The following CIT variants were observed in gnomAD, a reference collection of about 807,000 sequenced individuals.
The protein encoded by CIT is citron Rho-interacting kinase.
In CIT, 79 loss-of-function variants were observed where a neutral mutation model predicts 272.7. The ratio of observed to expected loss-of-function variants is 0.29; its 90% confidence interval spans 0.24 to 0.35. CIT has a LOEUF of 0.35. CIT is among the 10% of genes least tolerant of loss of function. The pLI, the probability that CIT is intolerant of heterozygous loss-of-function variation, is 1.00. For synonymous variants in CIT, 948 were observed against 995.6 expected, an observed-to-expected ratio of 0.95 and a Z score of 0.90; for missense variants, 1,909 against 2,618.3, an observed-to-expected ratio of 0.73 and a Z score of 5.91.
Position 119,773,307 on chromosome 12 carries a change from T to A in CIT, c.1942-397A>T, listed in dbSNP as rs1963386122. Among the ~76,000 whole-genome samples, 4 of 152,342 alleles carry A rather than the reference T, an allele frequency of 2.6e-5. No homozygotes were observed. The South Asian group carries it at 6.2e-4, about 24-fold the overall frequency. ...ATCTAAATGGATTGATCTACCCAGG[T>A]ATCAATGTATTTGCCTCTAAGCATT... is the stretch of plus-strand genomic sequence containing the variant. On this transcript the variant is annotated intron_variant, in intron 16 of 47. Coordinates refer to ENST00000392521, the MANE Select transcript of CIT (RefSeq NM_001206999.2).
At chr12:119,703,421 C>CTTTT (rs34483318) in intron 41 of CIT, among the ~76,000 whole-genome samples, 2 of 105,712 alleles carry the variant, frequency 1.9e-5, no homozygotes, top group African/African-American at 7.9e-5. Flanking sequence ...CTTCATTTCA[C>CTTTT]TTTTTTTTTT....
chr12:119,747,879 G>C (rs1001221113), intron 23 of CIT, among the ~76,000 whole-genome samples: 8 of 152,030 alleles, frequency 5.3e-5, no homozygotes, highest in African/African-American at 1.9e-4. Flanking sequence ...AAAACAGTCT[G>C]ACAGGCAGGC....
At chr12:119,699,295 A>G (rs908494056) in intron 44 of CIT, among the ~76,000 whole-genome samples, 6 of 152,200 alleles carry the variant, frequency 3.9e-5, no homozygotes, top group Admixed American at 3.3e-4. Flanking sequence ...TCTATTTTAA[A>G]AAAAAGACTG....
chr12:119,757,238 T>G (rs1961111608), intron 22 of CIT, 133 bp downstream of exon 22: 1 of 1,156,110 alleles, frequency 8.6e-7, no homozygotes. Flanking sequence ...CCTTTTCTCC[T>G]GCCTCAAGTC....
chr12:119,875,692 T>A (rs1952218407), intron 2 of CIT, among the ~76,000 whole-genome samples: 1 of 152,030 alleles, frequency 6.6e-6, no homozygotes, highest in Non-Finnish European at 1.5e-5. Flanking sequence ...CCTGGTCCTA[T>A]AATAAAAGCA....
rs546105689 is a variant in CIT, at chr12:119,770,261, A to C, written c.2208+524T>G. 6.6e-6 allele frequency among the ~76,000 whole-genome samples: 1 copy of C among 152,124 alleles called. No homozygotes were observed. The highest frequency in any genetic ancestry group is 2.1e-4 in the South Asian group (1 of 4,824). On this transcript the variant is annotated intron_variant, in intron 18 of 47. Transcript: ENST00000392521. The surrounding 1 kb of genome is among the most constrained non-coding windows in gnomAD (Gnocchi z 4.4). Reference sequence around the variant, plus strand: ...CCTGCTATATCTAAGGAAATTGAAAAAATAATAATAATAATAACCAACTGT... The same window carrying C: ...CCTGCTATATCTAAGGAAATTGAAACAATAATAATAATAATAACCAACTGT...
rs570077220 is a variant in CIT, at chr12:119,713,735, C to G, written c.4307-87G>C. 2.8e-6 allele frequency: 4 copies of G among 1,421,528 alleles called. No individual in the cohort carries two copies. Among genetic ancestry groups the G allele is most frequent in the Non-Finnish European group, 4.0e-6 (4 of 1,009,922 alleles). The allele number at this position is 1,421,528 out of a possible 1,614,324, so 88.1% of individuals were successfully genotyped here. ...TCTGCCAGCCAACGCCTGGGCTTCT[C>G]TACCCCAGCCGGGCCCAGAGAGTCT... is the stretch of plus-strand genomic sequence containing the variant. On this transcript the variant is annotated intron_variant, in intron 33 of 47. Coordinates refer to ENST00000392521, the MANE Select transcript of CIT (RefSeq NM_001206999.2). The surrounding 1 kb of genome is among the most constrained non-coding windows in gnomAD (Gnocchi z 5.2).
At chr12:119,794,554 A>C (rs978975038) in intron 10 of CIT, among the ~76,000 whole-genome samples, 3 of 152,212 alleles carry the variant, frequency 2.0e-5, no homozygotes, top group African/African-American at 7.2e-5. Flanking sequence ...TAGGCTGGGA[A>C]CATGCACACT....
chr12:119,835,683 A>G (rs1968944259), intron 5 of CIT, among the ~76,000 whole-genome samples: 1 of 152,182 alleles, frequency 6.6e-6, no homozygotes, highest in African/African-American at 2.4e-5. Flanking sequence ...ATCATCCTCC[A>G]AACTCCTGCT....
chr12:119,720,453 C>T (rs756411514), intron 30 of CIT, 25 bp downstream of exon 30: 3 of 1,528,234 alleles, frequency 2.0e-6, no homozygotes, highest in Non-Finnish European at 2.7e-6. Context: ...CTGACAATTC[C>T]CACTTTTCAA....
chr12:119,717,834 C>CTTGCTTTTTTTTTTTTTTTTTTTTTT (rs1957596158), intron 32 of CIT, among the ~76,000 whole-genome samples: 1 of 70,244 alleles, frequency 1.4e-5, no homozygotes. Flanking sequence ...AGACTGACTT[C>CTTGCTTTTTTTTTTTTTTTTTTTTTT]TTTCTTTTTT....
At position 119,770,720 on chromosome 12, in the gene CIT, A is replaced by T; in HGVS notation, c.2208+65T>A. 2.4e-5 allele frequency: 38 copies of T among 1,582,076 alleles called. No homozygotes were observed. Among genetic ancestry groups the T allele is most frequent in the Non-Finnish European group, 2.9e-5 (34 of 1,156,182 alleles). On this transcript the variant is annotated intron_variant, in intron 18 of 47. Coordinates refer to ENST00000392521, the MANE Select transcript of CIT (RefSeq NM_001206999.2). This position sits in a 1 kb window ranked among gnomAD's most constrained non-coding sequence, Gnocchi z 4.4. The stretch of plus-strand genomic sequence containing the variant: ...ATTGTGGCGGTTAATTCTTCTTCTT[A>T]CCCCCTTCCCTTTGCAAACTCTAAC...
At chr12:119,756,080 T>C (rs1424303060) in intron 22 of CIT, among the ~76,000 whole-genome samples, 1 of 152,168 alleles carries the variant, frequency 6.6e-6, no homozygotes, top group Non-Finnish European at 1.5e-5. Context: ...ACTGACATTT[T>C]ACAGATGAAG....
intron 12 of CIT, chr12:119,783,618 T>G (rs1424753721): frequency 4.0e-6 from 1 of 252,792 alleles, no homozygotes; most frequent in African/African-American, 2.2e-5. Context: ...TGGGAGATGT[T>G]AAGATCTTTT....
chr12:119,708,687 G>A (rs1158216086), intron 39 of CIT, among the ~76,000 whole-genome samples: 1 of 151,668 alleles, frequency 6.6e-6, no homozygotes, highest in African/African-American at 2.4e-5. Context: ...ATGGGGTTTC[G>A]CCATGTTGGT....
intron 39 of CIT, among the ~76,000 whole-genome samples, chr12:119,709,685 G>C (rs1424744408): frequency 6.6e-6 from 1 of 151,920 alleles, no homozygotes; most frequent in Non-Finnish European, 1.5e-5. Flanking sequence ...TTATGTGACA[G>C]AATGTCTTCA....
intron 10 of CIT, among the ~76,000 whole-genome samples, chr12:119,795,972 C>T (rs985544025): frequency 1.1e-4 from 16 of 152,258 alleles, no homozygotes; most frequent in African/African-American, 3.9e-4. Context: ...TAGTCTAATT[C>T]AATTCAACAA....
Position 119,718,485 on chromosome 12 carries a change from G to T in CIT, c.4004-76C>A. 3.3e-6 allele frequency: 5 copies of T among 1,526,152 alleles called. No individual in the cohort carries two copies. The highest frequency in any genetic ancestry group is 4.4e-6 in the Non-Finnish European group (5 of 1,129,436). 94.5% of individuals were successfully genotyped at this position (1,526,152 alleles called of 1,614,324 possible). A position where few individuals can be genotyped will look rare whatever the true frequency, so the allele number is the denominator to read the frequency against. ...ACCAAACTAAGCCGAATGTCCCTGGGCTATCTTTCAAGGACCCAAGACCAA... is the reference window on the plus strand; with the variant it reads ...ACCAAACTAAGCCGAATGTCCCTGGTCTATCTTTCAAGGACCCAAGACCAA... On this transcript the variant is annotated intron_variant, in intron 31 of 47. Transcript: ENST00000392521. The surrounding 1 kb of genome is among the most constrained non-coding windows in gnomAD (Gnocchi z 4.8).
At chr12:119,774,999 G>A (rs1022984916) in intron 16 of CIT, among the ~76,000 whole-genome samples, 48 of 145,056 alleles carry the variant, frequency 3.3e-4, no homozygotes, top group African/African-American at 1.1e-3. Context: ...TTGGCCAGGC[G>A]CAGTGGCTCA....
Sources: allele counts gnomAD v4.1 joint callset (sites outside exome capture counted in the v4.1 genomes callset), GRCh38; gene constraint gnomAD v4.1.1; non-coding constraint Gnocchi (gnomAD v3.1); transcripts MANE v1.5; gene names NCBI Gene and HGNC (gene_info 2026-07-23, HGNC 2026-07-21).